GPC4: variants seen among roughly 807,000 people sequenced by gnomAD.
GPC4 encodes the protein glypican-4.
A neutral mutation model predicts 35.0 loss-of-function variants in GPC4; 10 were observed. That is an observed-to-expected ratio of 0.29 (90% CI 0.18 to 0.48). GPC4 has a LOEUF of 0.48. Ranked by LOEUF, GPC4 falls within the 20% of genes least tolerant of loss-of-function variation. The probability of loss-of-function intolerance (pLI) is 0.99; values close to 1 mark genes in which losing one functional copy is unlikely to be tolerated. For synonymous variants in GPC4, 167 were observed against 170.2 expected (o/e 0.98, Z 0.15); for missense variants, 322 against 451.3 (o/e 0.71, Z 2.60).
At chrX:133,334,867 G>A (rs1409399660) in intron 2 of GPC4, among the ~76,000 whole-genome samples, 4 of 112,317 alleles carry the variant, frequency 3.6e-5, no homozygotes, top group African/African-American at 1.3e-4. Flanking sequence ...GTTTGATACA[G>A]GCAGTTATGT....
At chrX:133,396,666 A>G (rs2068744618) in intron 1 of GPC4, among the ~76,000 whole-genome samples, 1 of 111,979 alleles carries the variant, frequency 8.9e-6, no homozygotes, top group Non-Finnish European at 1.9e-5. Flanking sequence ...TCTCTCGTTA[A>G]TATGGTCGAT....
chrX:133,342,032 A>ATTT (rs975355748), intron 1 of GPC4, among the ~76,000 whole-genome samples: 33 of 72,865 alleles, frequency 4.5e-4, no homozygotes, highest in Non-Finnish European at 5.9e-4. Flanking sequence ...TTTTGGCACT[A>ATTT]TTTTTTTTTT....
chrX:133,377,877 C>CTTTTTTTTTTCTTTTTT (rs2068641616), intron 1 of GPC4, among the ~76,000 whole-genome samples: 33 of 86,160 alleles, frequency 3.8e-4, no homozygotes, highest in African/African-American at 8.0e-4. Flanking sequence ...TTTTCTTTTT[C>CTTTTTTTTTTCTTTTTT]TTTTTTTTTT....
In GPC4 at chrX:133,300,526, A is replaced by G. The variant is rs1011958723; in HGVS notation, c.*2341T>C. On this transcript the variant is annotated 3_prime_UTR_variant, in exon 9 of 9. Coordinates refer to ENST00000370828, the MANE Select transcript of GPC4 (RefSeq NM_001448.3). ...TGAGCTTGCCAGCTGCTTAGAAGCC[A>G]AGAGTTATCCAGTCAGACCTGAATG... 7 of 111,689 alleles carry G rather than the reference A, an allele frequency of 6.3e-5. No individual in the cohort carries two copies. Among genetic ancestry groups the G allele is most frequent in the Non-Finnish European group, 7.5e-5 (4 of 53,189 alleles). The allele number at this position is 111,689 out of a possible 1,213,427, so 9.2% of individuals were successfully genotyped here. A position where few individuals can be genotyped will look rare whatever the true frequency, so the allele number is the denominator to read the frequency against.
At chrX:133,394,279 T>A (rs193289972) in intron 1 of GPC4, among the ~76,000 whole-genome samples, 1,660 of 109,079 alleles carry the variant, frequency 0.015, 30 homozygotes, top group African/African-American at 0.045. Flanking sequence ...CAAAAAAAAA[T>A]ATATATATAT....
intron 1 of GPC4, among the ~76,000 whole-genome samples, chrX:133,370,322 G>A (rs2068607125): frequency 1.8e-5 from 2 of 111,931 alleles, no homozygotes; most frequent in South Asian, 3.8e-4. Flanking sequence ...GGAAGACAGA[G>A]GGGAGCCATT....
intron 1 of GPC4, among the ~76,000 whole-genome samples, chrX:133,411,106 T>C (rs755458394): frequency 2.2e-4 from 25 of 112,708 alleles, no homozygotes; most frequent in Non-Finnish European, 3.6e-4. Flanking sequence ...GTACTTTTTT[T>C]CCACGTAGTC....
At chrX:133,399,812 C>CAAAACCCCATCTCTA (rs1428211705) in intron 1 of GPC4, among the ~76,000 whole-genome samples, 1 of 111,880 alleles carries the variant, frequency 8.9e-6, no homozygotes, top group Non-Finnish European at 1.9e-5. Context: ...CCCAGCCTGG[C>CAAAACCCCATCTCTA]CAACATGGCA....
At chrX:133,389,082 G>A (rs752112666) in intron 1 of GPC4, among the ~76,000 whole-genome samples, 6 of 106,264 alleles carry the variant, frequency 5.6e-5, no homozygotes. Context: ...TCAGCCTCCT[G>A]AATACCTGGA....
intron 1 of GPC4, among the ~76,000 whole-genome samples, chrX:133,405,424 A>T (rs1385885461): frequency 2.7e-5 from 3 of 112,031 alleles, no homozygotes; most frequent in Non-Finnish European, 5.6e-5. Context: ...TCTAAAATGT[A>T]CTTTCTGAAC....
intron 1 of GPC4, among the ~76,000 whole-genome samples, chrX:133,346,167 C>T (rs1242609966): frequency 9.0e-6 from 1 of 111,594 alleles, no homozygotes; most frequent in Non-Finnish European, 1.9e-5. Flanking sequence ...CAATTTTCCT[C>T]CTGCCATGCA....
At chrX:133,323,197 G>A (rs1221708345) in intron 3 of GPC4, among the ~76,000 whole-genome samples, 1 of 111,624 alleles carries the variant, frequency 9.0e-6, no homozygotes, top group Non-Finnish European at 1.9e-5. Flanking sequence ...AGAGTCTATC[G>A]GCCAGGCATG....
chrX:133,327,443 ATAT>A (rs2124123310), intron 2 of GPC4, among the ~76,000 whole-genome samples: 1 of 111,830 alleles, frequency 8.9e-6, no homozygotes, highest in African/African-American at 3.2e-5. Context: ...AAAAAGTAAA[ATAT>A]TATCAATCTT....
At chrX:133,362,577 A>C (rs1166658368) in intron 1 of GPC4, among the ~76,000 whole-genome samples, 1 of 111,538 alleles carries the variant, frequency 9.0e-6, no homozygotes, top group African/African-American at 3.3e-5. Context: ...CTTTAGAACA[A>C]TGCCTTCTTA....
chrX:133,400,412 T>C (rs1361502202), intron 1 of GPC4, among the ~76,000 whole-genome samples: 3 of 112,811 alleles, frequency 2.7e-5, no homozygotes, highest in Non-Finnish European at 5.6e-5. Context: ...ACCAAGGGCT[T>C]TTCCTTGGAA....
At chrX:133,326,902 C>G (rs2068396443) in intron 2 of GPC4, among the ~76,000 whole-genome samples, 1 of 112,479 alleles carries the variant, frequency 8.9e-6, no homozygotes, top group Non-Finnish European at 1.9e-5. Flanking sequence ...ATGTCCCACA[C>G]CATGCTTGAA....
At chrX:133,315,108 GTTT>G (rs768185435) in intron 3 of GPC4, among the ~76,000 whole-genome samples, 1 of 94,048 alleles carries the variant, frequency 1.1e-5, no homozygotes, top group African/African-American at 3.8e-5. Context: ...AAGTGTTTGG[GTTT>G]TTTTTTTTTT....
In GPC4 at chrX:133,405,888, A is replaced by G. The variant is rs970302788; in HGVS notation, c.160+8918T>C. 4.5e-5 allele frequency among the ~76,000 whole-genome samples: 5 copies of G among 112,337 alleles called. No individual in the cohort carries two copies. The Admixed American group carries it at 4.7e-4, about 11-fold the overall frequency. ...TACAGGAGCCATTCAATGATTGCTG[A>G]TAATAAATTTCTGAAGGCCTTTTCT... On this transcript the variant is annotated intron_variant, in intron 1 of 8. Transcript: ENST00000370828.
intron 6 of GPC4, among the ~76,000 whole-genome samples, chrX:133,305,383 C>T (rs187865318): frequency 2.0e-3 from 223 of 112,325 alleles, no homozygotes; most frequent in African/African-American, 6.8e-3. Flanking sequence ...TTTTACTAAA[C>T]ATCATTTTAT....
Sources: gnomAD v4.1 joint callset for allele counts (sites outside exome capture counted in the v4.1 genomes callset) on GRCh38, gnomAD v4.1.1 for gene constraint, MANE v1.5 for transcripts, NCBI Gene and HGNC (gene_info 2026-07-23, HGNC 2026-07-21) for gene names.